Variants in MACROD1 observed in about 807,000 individuals in gnomAD.
MACROD1 encodes mono-ADP ribosylhydrolase 1.
A neutral mutation model predicts 41.4 loss-of-function variants in MACROD1; 31 were observed. The ratio of observed to expected loss-of-function variants is 0.75; its 90% CI spans 0.56 to 1.01. The LOEUF is 1.01. Among genes scored for constraint, MACROD1 ranks in the 50% least tolerant of loss-of-function variants. The pLI is 0.00. For synonymous variants in MACROD1, 252 were observed against 203.4 expected, an observed-to-expected ratio of 1.24 and a Z score of -2.03; for missense variants, 473 against 460.0, an observed-to-expected ratio of 1.03 and a Z score of -0.26.
chr11:64,123,035 T>C (rs377477195), intron 3 of MACROD1, among the ~76,000 whole-genome samples: 15 of 152,118 alleles, frequency 9.9e-5, no homozygotes, highest in East Asian at 9.6e-4. Context: ...GCCTTGCACT[T>C]ATGAAAAATA....
chr11:64,017,972 A>G (rs1202081257), intron 3 of MACROD1, among the ~76,000 whole-genome samples: 1 of 152,078 alleles, frequency 6.6e-6, no homozygotes, highest in Non-Finnish European at 1.5e-5. Flanking sequence ...TGGCGCCCCC[A>G]AACTCCACTG....
intron 3 of MACROD1, among the ~76,000 whole-genome samples, chr11:64,046,627 G>A (rs1006588315): frequency 1.3e-5 from 2 of 152,184 alleles, no homozygotes; most frequent in South Asian, 2.1e-4. Context: ...ACCCTCCCAA[G>A]TAGCTGGGGC....
chr11:64,148,030 C>T (rs1041941422), intron 3 of MACROD1, among the ~76,000 whole-genome samples: 1 of 152,096 alleles, frequency 6.6e-6, no homozygotes, highest in African/African-American at 2.4e-5. Flanking sequence ...TGAGCTACTA[C>T]GTCCCGCCCA....
At chr11:64,010,418 T>C (rs1942989257) in intron 4 of MACROD1, among the ~76,000 whole-genome samples, 2 of 138,114 alleles carry the variant, frequency 1.4e-5, no homozygotes, top group Admixed American at 7.2e-5. Flanking sequence ...GGAGTGTTGG[T>C]TGAGATGTTG....
At chr11:64,035,695 G>A (rs1230482817) in intron 3 of MACROD1, among the ~76,000 whole-genome samples, 2 of 144,062 alleles carry the variant, frequency 1.4e-5, no homozygotes, top group Non-Finnish European at 3.0e-5. Context: ...GCCGGCCAGT[G>A]CGCAGCGCGG....
chr11:64,155,412 G>A (rs552262915), intron 1 of MACROD1, among the ~76,000 whole-genome samples: 7 of 152,336 alleles, frequency 4.6e-5, no homozygotes, highest in South Asian at 4.1e-4. Context: ...TATAGGTCCC[G>A]CCAGGTTTGG....
intron 3 of MACROD1, among the ~76,000 whole-genome samples, chr11:64,069,259 C>G (rs745483901): frequency 1.3e-5 from 2 of 152,188 alleles, no homozygotes; most frequent in African/African-American, 4.8e-5. Flanking sequence ...TACCTGACAC[C>G]GGAGACAGCT....
intron 1 of MACROD1, among the ~76,000 whole-genome samples, chr11:64,160,281 A>G (rs1350393264): frequency 6.6e-6 from 1 of 152,148 alleles, no homozygotes; most frequent in Non-Finnish European, 1.5e-5. Context: ...AGGCTTTCCC[A>G]TAGGGAGAGG....
intron 1 of MACROD1, among the ~76,000 whole-genome samples, chr11:64,157,640 G>C (rs1358974952): frequency 6.6e-6 from 1 of 152,206 alleles, no homozygotes; most frequent in African/African-American, 2.4e-5. Context: ...AGGCACGAAA[G>C]CCAAGCAGGA....
At chr11:64,047,192 C>T (rs1332235151) in intron 3 of MACROD1, among the ~76,000 whole-genome samples, 1 of 152,190 alleles carries the variant, frequency 6.6e-6, no homozygotes, top group Non-Finnish European at 1.5e-5. Flanking sequence ...TGCCCCCCTC[C>T]CCTCCCCTGC....
At position 64,166,002 on chromosome 11, in the gene MACROD1, C is replaced by A. The variant is rs1945839602; in HGVS notation, c.-8G>T. 2 of 1,257,320 alleles carry A rather than the reference C, an allele frequency of 1.6e-6. No homozygotes were observed. Among genetic ancestry groups the A allele is most frequent in the Non-Finnish European group, 2.0e-6 (2 of 1,004,142 alleles). 77.9% of individuals were successfully genotyped at this position (1,257,320 alleles called of 1,614,324 possible). On this transcript the variant is annotated 5_prime_UTR_variant, in exon 1 of 11. Transcript: ENST00000255681. The stretch of plus-strand genomic sequence containing the variant: ...TCGGCTCTGTAGAGACATGAGCGGG[C>A]GGCGCGGGACGGCTCTCCGCCCACT...
chr11:64,019,018 T>C (rs1357837820), intron 3 of MACROD1, among the ~76,000 whole-genome samples: 2 of 151,690 alleles, frequency 1.3e-5, no homozygotes, highest in African/African-American at 2.4e-5. Context: ...TTGAACGCCA[T>C]GTGGGGCTGA....
intron 4 of MACROD1, among the ~76,000 whole-genome samples, chr11:64,012,060 C>T (rs924933019): frequency 2.6e-5 from 4 of 152,154 alleles, no homozygotes; most frequent in Non-Finnish European, 5.9e-5. Context: ...GTGCTGGCGG[C>T]GGCTCCATAA....
intron 3 of MACROD1, among the ~76,000 whole-genome samples, chr11:64,147,394 T>C (rs1051829373): frequency 2.7e-5 from 4 of 149,436 alleles, no homozygotes; most frequent in African/African-American, 9.8e-5. Context: ...TTTCTTTCTT[T>C]CTTTTTTTTT....
intron 3 of MACROD1, among the ~76,000 whole-genome samples, chr11:64,130,778 C>G (rs1000795141): frequency 2.6e-5 from 4 of 152,236 alleles, no homozygotes; most frequent in African/African-American, 9.6e-5. Context: ...CTGTCCAGCA[C>G]CTCCAGAGGA....
At position 64,137,476 on chromosome 11, in the gene MACROD1, T is replaced by C. The variant is rs1271889883; in HGVS notation, c.517+13763A>G. ...TGAAACTTAAATTGACTTCCAAGCT[T>C]GGAGTTATGGATCCTAAAATCTTGT... On this transcript the variant is annotated intron_variant, in intron 3 of 10. Coordinates refer to ENST00000255681, the MANE Select transcript of MACROD1 (RefSeq NM_014067.4). Among the ~76,000 whole-genome samples the C allele has an allele frequency of 2.6e-5, 4 of 152,240 alleles. No individual in the cohort carries two copies. The East Asian group carries it at 7.7e-4, about 29-fold the overall frequency.
intron 4 of MACROD1, among the ~76,000 whole-genome samples, chr11:64,010,168 TGTTG>T (rs1175524518): frequency 7.0e-6 from 1 of 143,556 alleles, no homozygotes; most frequent in Non-Finnish European, 1.5e-5. Flanking sequence ...TTGCCTGGGG[TGTTG>T]GTTGGTGTGT....
intron 3 of MACROD1, among the ~76,000 whole-genome samples, chr11:64,139,846 C>G (rs956121756): frequency 2.0e-5 from 3 of 152,014 alleles, no homozygotes; most frequent in Non-Finnish European, 4.4e-5. Flanking sequence ...ATCCCAGCTA[C>G]TCGGGAGGCT....
chr11:64,151,177 A>G, intron 3 of MACROD1, 62 bp downstream of exon 3: 2 of 1,414,194 alleles, frequency 1.4e-6, no homozygotes, highest in Non-Finnish European at 2.0e-6. Flanking sequence ...GGCCTGGCAC[A>G]GCAGAGCAGA....
Sources: gnomAD v4.1 joint callset for allele counts (sites outside exome capture counted in the v4.1 genomes callset) on GRCh38, gnomAD v4.1.1 for gene constraint, MANE v1.5 for transcripts, NCBI Gene and HGNC (gene_info 2026-07-23, HGNC 2026-07-21) for gene names.